The following ADRA1D variants were observed in gnomAD, a reference collection of about 807,000 sequenced individuals.
The protein encoded by ADRA1D is alpha-1D adrenergic receptor.
In ADRA1D, 22 loss-of-function variants were observed where a neutral mutation model predicts 18.6. The observed-to-expected ratio is 1.19, with a 90% CI of 0.85 to 1.69. The LOEUF (loss-of-function observed/expected upper bound fraction) is 1.69, where lower values mean the gene tolerates loss of function less well. ADRA1D is among the 40% of genes most tolerant of loss of function. The pLI is 0.00. For missense variants in ADRA1D, 840 were observed against 840.7 expected (o/e 1.00, Z 0.01); for synonymous variants, 376 against 388.2 (o/e 0.97, Z 0.37).
intron 1 of ADRA1D, among the ~76,000 whole-genome samples, chr20:4,238,217 C>A (rs921497543): frequency 3.3e-5 from 5 of 151,878 alleles, no homozygotes; most frequent in Non-Finnish European, 5.9e-5. Flanking sequence ...CATGCCACTG[C>A]ACTCCAACCT....
At chr20:4,230,887 C>T (rs2122662023) in intron 1 of ADRA1D, among the ~76,000 whole-genome samples, 1 of 152,332 alleles carries the variant, frequency 6.6e-6, no homozygotes, top group East Asian at 1.9e-4. Context: ...TCTCCCCACC[C>T]AGCCTGGCTC....
At chr20:4,225,605 A>G (rs1426018278) in intron 1 of ADRA1D, among the ~76,000 whole-genome samples, 1 of 151,094 alleles carries the variant, frequency 6.6e-6, no homozygotes, top group African/African-American at 2.4e-5. Context: ...TATTTGTAGT[A>G]GTGTCTTGCC....
chr20:4,227,039 G>T (rs972976369), intron 1 of ADRA1D, among the ~76,000 whole-genome samples: 13 of 152,160 alleles, frequency 8.5e-5, no homozygotes, highest in African/African-American at 2.9e-4. Context: ...AAGACAACTG[G>T]GCATTTTCCT....
intron 1 of ADRA1D, among the ~76,000 whole-genome samples, chr20:4,229,671 G>A (rs144102063): frequency 1.6e-4 from 24 of 152,200 alleles, no homozygotes; most frequent in Admixed American, 7.2e-4. Flanking sequence ...TGCAGTGATT[G>A]AGGGCAGAGA....
chr20:4,235,851 G>C (rs1981077177), intron 1 of ADRA1D, among the ~76,000 whole-genome samples: 1 of 152,208 alleles, frequency 6.6e-6, no homozygotes, highest in South Asian at 2.1e-4. Context: ...GGGGTGCACG[G>C]CAGGCCTGGG....
At chr20:4,232,590 A>C (rs1980996516) in intron 1 of ADRA1D, among the ~76,000 whole-genome samples, 1 of 152,180 alleles carries the variant, frequency 6.6e-6, no homozygotes, top group Non-Finnish European at 1.5e-5. Context: ...GAGAAACCCT[A>C]AAGAGCTGCT....
rs1429702443 is a variant in ADRA1D at position 4,222,861 on chromosome 20, T to C, written c.1112-731A>G. Among the ~76,000 whole-genome samples, 1 of 152,246 alleles carries C rather than the reference T, an allele frequency of 6.6e-6. No individual in the cohort carries two copies. Among genetic ancestry groups the C allele is most frequent in the African/African-American group, 2.4e-5 (1 of 41,460 alleles). ...CTGGAGCAGTCTAATATAACCTCTC[T>C]GAAGGGCTGGGCTACAGGGCTTAGT... is the stretch of plus-strand genomic sequence containing the variant. On this transcript the variant is annotated intron_variant, in intron 1 of 1. Transcript: ENST00000379453. This position sits in a 1 kb window ranked among gnomAD's most constrained non-coding sequence, Gnocchi z 4.3.
rs1257914217 is a variant in ADRA1D at position 4,239,167 on chromosome 20, T to C, written c.1111+8680A>G. On this transcript the variant is annotated intron_variant, in intron 1 of 1. Transcript: ENST00000379453. The surrounding 1 kb of genome is among the most constrained non-coding windows in gnomAD (Gnocchi z 4.9). ...TAGTCTCAAGGCCAGAGTGTCATCA[T>C]GGGTCAGCCTCAGTACAGTGGAGTC... Among the ~76,000 whole-genome samples the C allele has an allele frequency of 6.6e-6, 1 of 152,084 alleles. No individual in the cohort carries two copies. The highest frequency in any genetic ancestry group is 1.5e-5 in the Non-Finnish European group (1 of 68,026).
intron 1 of ADRA1D, among the ~76,000 whole-genome samples, chr20:4,244,735 A>G (rs1981294621): frequency 6.6e-6 from 1 of 151,782 alleles, no homozygotes; most frequent in Admixed American, 6.6e-5. Context: ...CAGCCTCCAG[A>G]CCCCTCCTGC....
Position 4,248,737 on chromosome 20 carries a change from C to T in ADRA1D, c.221G>A (p.Ser74Asn). 2 of 1,534,424 alleles carry T rather than the reference C, an allele frequency of 1.3e-6. No homozygotes were observed. Among genetic ancestry groups the T allele is most frequent in the Middle Eastern group, 1.8e-4 (1 of 5,438 alleles). The part of the protein sequence containing the change: ...DNRSSAGEPG[S>N]AGAGGDVNGT... ...ATTCACGTCGCCGCCCGCGCCCGCG[C>T]TCCCCGGCTCCCCCGCGGAGCTCCG... Residue 74 changes from serine to asparagine, a missense_variant, in exon 1 of 2, where the codon AGC becomes AAC. Ser to Asn is a conservative substitution (Grantham distance 46, BLOSUM62 1). Coordinates refer to ENST00000379453, the MANE Select transcript of ADRA1D (RefSeq NM_000678.4).
intron 1 of ADRA1D, among the ~76,000 whole-genome samples, chr20:4,227,664 C>CTCCT (rs1267029945): frequency 8.6e-5 from 9 of 104,184 alleles, no homozygotes; most frequent in Admixed American, 4.7e-4. Flanking sequence ...CCTTCCTTCC[C>CTCCT]TCCTTCCTTC....
intron 1 of ADRA1D, among the ~76,000 whole-genome samples, chr20:4,243,744 G>A (rs1169340752): frequency 6.6e-6 from 1 of 152,144 alleles, no homozygotes; most frequent in African/African-American, 2.4e-5. Flanking sequence ...AGCTTCCTGG[G>A]GGTCCCAGAG....
At chr20:4,232,288 T>C (rs1980989763) in intron 1 of ADRA1D, among the ~76,000 whole-genome samples, 1 of 152,238 alleles carries the variant, frequency 6.6e-6, no homozygotes, top group Non-Finnish European at 1.5e-5. Flanking sequence ...GCATTTCCCC[T>C]GGAGCTCAGC....
rs1028972943 is a variant in ADRA1D, at chr20:4,249,258, G to C, written c.-301C>G. 6.6e-6 allele frequency among the ~76,000 whole-genome samples: 1 copy of C among 152,020 alleles called. No homozygotes were observed. Among genetic ancestry groups the C allele is most frequent in the Non-Finnish European group, 1.5e-5 (1 of 67,974 alleles). ...CAAAGCGGCGGCTCCGGGGCCGGGCGGTGCAGGCAGCGGCCACTGCGGCGC... is the reference window on the plus strand; with the variant it reads ...CAAAGCGGCGGCTCCGGGGCCGGGCCGTGCAGGCAGCGGCCACTGCGGCGC... On this transcript the variant is annotated 5_prime_UTR_variant, in exon 1 of 2. Transcript: ENST00000379453.
chr20:4,242,010 A>G (rs1981225038), intron 1 of ADRA1D, among the ~76,000 whole-genome samples: 1 of 152,260 alleles, frequency 6.6e-6, no homozygotes, highest in African/African-American at 2.4e-5. Context: ...AGGTCAAGGT[A>G]TGGAACTGTC....
intron 1 of ADRA1D, among the ~76,000 whole-genome samples, chr20:4,223,650 G>A (rs1014920441): frequency 6.6e-6 from 1 of 152,092 alleles, no homozygotes; most frequent in African/African-American, 2.4e-5. Context: ...AAAGTGATAC[G>A]CGTTCAGTAG....
intron 1 of ADRA1D, among the ~76,000 whole-genome samples, chr20:4,228,351 C>T (rs559820325): frequency 6.6e-6 from 1 of 152,276 alleles, no homozygotes; most frequent in East Asian, 1.9e-4. Context: ...TTTTCCTTTA[C>T]CGGCTCTTTA....
intron 1 of ADRA1D, among the ~76,000 whole-genome samples, chr20:4,230,295 G>T (rs1980923536): frequency 6.6e-6 from 1 of 152,170 alleles, no homozygotes; most frequent in Admixed American, 6.5e-5. Context: ...GGTCTGTTTT[G>T]CTTGGTGCTG....
chr20:4,231,090 T>TCTCTCTCTCTC (rs1318670027), intron 1 of ADRA1D, among the ~76,000 whole-genome samples: 26 of 67,746 alleles, frequency 3.8e-4, no homozygotes, highest in East Asian at 1.7e-3. Context: ...CTCTTTTCTT[T>TCTCTCTCTCTC]TCTTTTCTTT....
Sources: allele counts gnomAD v4.1 joint callset (sites outside exome capture counted in the v4.1 genomes callset), GRCh38; gene constraint gnomAD v4.1.1; non-coding constraint Gnocchi (gnomAD v3.1); transcripts MANE v1.5; gene names NCBI Gene and HGNC (gene_info 2026-07-23, HGNC 2026-07-21).